PPP1R16B: variants seen among roughly 807,000 people sequenced by gnomAD.
PPP1R16B encodes protein phosphatase 1 regulatory subunit 16B.
Under a neutral mutation model 61.7 loss-of-function variants are expected in PPP1R16B, and 14 were observed. That is an observed-to-expected ratio of 0.23 (90% CI 0.15 to 0.35). The LOEUF (loss-of-function observed/expected upper bound fraction) is 0.35, where lower values mean the gene tolerates loss of function less well. Ranked by LOEUF, PPP1R16B falls within the 10% of genes least tolerant of loss-of-function variation. PPP1R16B has a pLI of 1.00. For synonymous variants in PPP1R16B, 266 were observed against 305.3 expected, an observed-to-expected ratio of 0.87 and a Z score of 1.34; for missense variants, 547 against 752.5, an observed-to-expected ratio of 0.73 and a Z score of 3.19.
chr20:38,852,614 CTTG>C (rs1183095616), intron 2 of PPP1R16B, among the ~76,000 whole-genome samples: 1 of 152,084 alleles, frequency 6.6e-6, no homozygotes, highest in Non-Finnish European at 1.5e-5. Context: ...GTATGAGAGG[CTTG>C]TCAGGTGCTC....
intron 3 of PPP1R16B, among the ~76,000 whole-genome samples, chr20:38,890,543 C>A (rs1486448241): frequency 1.3e-5 from 2 of 152,222 alleles, no homozygotes; most frequent in Non-Finnish European, 2.9e-5. Context: ...GATAGACATA[C>A]CCTTTGTCTT....
intron 1 of PPP1R16B, among the ~76,000 whole-genome samples, chr20:38,822,554 T>C (rs1255828876): frequency 2.0e-5 from 3 of 148,940 alleles, no homozygotes; most frequent in African/African-American, 5.0e-5. Context: ...TAGTTTTGTG[T>C]GGGAAGTTTG....
chr20:38,840,446 G>A (rs1026782999), intron 2 of PPP1R16B, among the ~76,000 whole-genome samples: 2 of 152,144 alleles, frequency 1.3e-5, no homozygotes, highest in Non-Finnish European at 2.9e-5. Flanking sequence ...TGAGCCCCAT[G>A]CTCACTGCTC....
intron 1 of PPP1R16B, among the ~76,000 whole-genome samples, chr20:38,824,580 C>T (rs1046437177): frequency 1.3e-5 from 2 of 152,254 alleles, no homozygotes; most frequent in African/African-American, 4.8e-5. Context: ...TTGGAATCTG[C>T]TCTCTGCGTT....
chr20:38,845,061 G>T (rs556317051), intron 2 of PPP1R16B, among the ~76,000 whole-genome samples: 2 of 152,008 alleles, frequency 1.3e-5, no homozygotes, highest in Admixed American at 1.3e-4. Context: ...CTACCTAAAG[G>T]AGCAGTGGCT....
At chr20:38,905,258 A>C (rs1461548405) in intron 6 of PPP1R16B, among the ~76,000 whole-genome samples, 1 of 152,136 alleles carries the variant, frequency 6.6e-6, no homozygotes, top group Non-Finnish European at 1.5e-5. Context: ...AAGATGTTGC[A>C]ATATTGTTGA....
chr20:38,918,597 A>C lies in PPP1R16B; in HGVS notation c.1635A>C (p.Pro545=). 1 of 1,528,438 alleles carries C rather than the reference A, an allele frequency of 6.5e-7. No homozygotes were observed. Among genetic ancestry groups the C allele is most frequent in the Non-Finnish European group, 8.8e-7 (1 of 1,138,710 alleles). The allele number at this position is 1,528,438 out of a possible 1,614,324, so 94.7% of individuals were successfully genotyped here. The part of the protein sequence containing the change: ...VYYTVTSGDP[P]LLKFKAPIEE... ...ACACGGTCACCAGCGGAGATCCCCC[A>C]CTCTTAAAGTTCAAGGCCCCCATAG... Residue 545 remains proline, a synonymous_variant, in exon 11 of 11, where the codon CCA becomes CCC. Coordinates refer to ENST00000299824, the MANE Select transcript of PPP1R16B (RefSeq NM_015568.4). This position sits in a 1 kb window ranked among gnomAD's most constrained non-coding sequence, Gnocchi z 5.3.
intron 1 of PPP1R16B, among the ~76,000 whole-genome samples, chr20:38,807,005 CCCAGCTCTCCGCGGCTCTGGACA>C (rs2145698686): frequency 6.6e-6 from 1 of 152,326 alleles, no homozygotes; most frequent in Admixed American, 6.5e-5. Flanking sequence ...AGAAGAGCCC[CCCAGCTCTCCGCGGCTCTGGACA>C]CCAGGTGCCG....
chr20:38,889,752 C>A (rs763884770), intron 3 of PPP1R16B, 87 bp downstream of exon 3: 43 of 1,356,680 alleles, frequency 3.2e-5, no homozygotes, highest in Non-Finnish European at 3.8e-5. Flanking sequence ...TGCTCAGAAC[C>A]CTCAGGGAGG....
At position 38,806,861 on chromosome 20, in the gene PPP1R16B, C is replaced by A. The variant is rs917166293; in HGVS notation, c.-102+1069C>A. On this transcript the variant is annotated intron_variant, in intron 1 of 10. Transcript: ENST00000299824. The surrounding 1 kb of genome is among the most constrained non-coding windows in gnomAD (Gnocchi z 4.5). ...CCGCTGCCGCGCGCCAGGCCTGGGT[C>A]CCGGTGCTCCCGGGCACCTCAGGAG... Among the ~76,000 whole-genome samples the A allele has an allele frequency of 2.0e-5, 3 of 152,204 alleles. No individual in the cohort carries two copies. The highest frequency in any genetic ancestry group is 2.0e-4 in the Admixed American group (3 of 15,288).
intron 5 of PPP1R16B, among the ~76,000 whole-genome samples, chr20:38,900,929 C>T (rs1291206395): frequency 3.3e-5 from 5 of 152,240 alleles, no homozygotes; most frequent in African/African-American, 1.2e-4. Context: ...CCCACACACG[C>T]AGGTGGCCGC....
At chr20:38,842,180 C>T (rs1289543764) in intron 2 of PPP1R16B, among the ~76,000 whole-genome samples, 1 of 152,174 alleles carries the variant, frequency 6.6e-6, no homozygotes, top group African/African-American at 2.4e-5. Flanking sequence ...TGTATTTAAC[C>T]ACCAGGCAGT....
At chr20:38,893,518 C>A (rs974730070) in intron 3 of PPP1R16B, among the ~76,000 whole-genome samples, 1 of 151,192 alleles carries the variant, frequency 6.6e-6, no homozygotes, top group Non-Finnish European at 1.5e-5. Flanking sequence ...GTGGGGACAG[C>A]GATTTAGGAG....
chr20:38,878,609 CT>C (rs1429986781), intron 2 of PPP1R16B, among the ~76,000 whole-genome samples: 3 of 152,196 alleles, frequency 2.0e-5, no homozygotes, highest in African/African-American at 7.2e-5. Context: ...TATAAGTTAT[CT>C]GTCAAATGGT....
At chr20:38,865,295 CTT>C (rs869304041) in intron 2 of PPP1R16B, among the ~76,000 whole-genome samples, 1 of 14,234 alleles carries the variant, frequency 7.0e-5, no homozygotes. Context: ...CTTTTTTTTT[CTT>C]TTTTTTTTTT....
intron 3 of PPP1R16B, 74 bp from the exon 4 acceptor site, chr20:38,895,491 C>T (rs1049846774): frequency 6.7e-7 from 1 of 1,499,636 alleles, no homozygotes; most frequent in Admixed American, 1.8e-5. Flanking sequence ...TTGCGGGGAA[C>T]CTGGTGTGTC....
At chr20:38,913,320 T>C (rs996070577) in intron 10 of PPP1R16B, among the ~76,000 whole-genome samples, 1 of 152,152 alleles carries the variant, frequency 6.6e-6, no homozygotes, top group African/African-American at 2.4e-5. Flanking sequence ...TGGAGTGCAG[T>C]GGCTCAATCT....
At chr20:38,888,535 G>T (rs997956740) in intron 2 of PPP1R16B, among the ~76,000 whole-genome samples, 3 of 152,180 alleles carry the variant, frequency 2.0e-5, no homozygotes, top group Admixed American at 2.0e-4. Context: ...GTGTGGCCTG[G>T]AAGGGGAGCC....
chr20:38,885,447 C>T (rs2085237806), intron 2 of PPP1R16B, among the ~76,000 whole-genome samples: 1 of 152,228 alleles, frequency 6.6e-6, no homozygotes, highest in Non-Finnish European at 1.5e-5. Context: ...AAGGTCACTG[C>T]TGTCCATTTC....
Sources: allele counts gnomAD v4.1 joint callset (sites outside exome capture counted in the v4.1 genomes callset), GRCh38; gene constraint gnomAD v4.1.1; non-coding constraint Gnocchi (gnomAD v3.1); transcripts MANE v1.5; gene names NCBI Gene and HGNC (gene_info 2026-07-23, HGNC 2026-07-21).